THAP4: variants seen among roughly 807,000 people sequenced by gnomAD.
The protein encoded by THAP4 is THAP domain containing 4.
THAP4 carries 18 observed loss-of-function variants against 48.1 expected under a neutral mutation model. The observed-to-expected ratio is 0.37, with a 90% confidence interval of 0.26 to 0.56. The LOEUF is 0.56. THAP4 is among the 20% of genes least tolerant of loss of function. The pLI, the probability that THAP4 is intolerant of heterozygous loss-of-function variation, is 0.78. For synonymous variants in THAP4, 345 were observed against 324.9 expected (o/e 1.06, Z -0.66); for missense variants, 656 against 774.9 (o/e 0.85, Z 1.82).
chr2:241,617,567 A>G (rs2067363399), intron 2 of THAP4: 2 of 1,057,436 alleles, frequency 1.9e-6, no homozygotes, highest in Admixed American at 2.6e-5. Flanking sequence ...TAGTTCCACT[A>G]TGAAAGATCA....
At chr2:241,628,859 G>A (rs1000327678) in intron 2 of THAP4, among the ~76,000 whole-genome samples, 1 of 147,208 alleles carries the variant, frequency 6.8e-6, no homozygotes, top group Admixed American at 6.8e-5. Context: ...AGGATCGCTG[G>A]AGCCCAGGGG....
intron 5 of THAP4, among the ~76,000 whole-genome samples, chr2:241,595,450 C>T (rs2067036052): frequency 6.6e-6 from 1 of 152,032 alleles, no homozygotes; most frequent in Admixed American, 6.6e-5. Context: ...CCAGCCTGAC[C>T]ACCATGGAGA....
intron 2 of THAP4, among the ~76,000 whole-genome samples, chr2:241,609,947 C>A (rs2067243082): frequency 1.3e-5 from 2 of 152,210 alleles, no homozygotes; most frequent in African/African-American, 4.8e-5. Context: ...GGGAGCTGAA[C>A]CCTGTGGGAA....
chr2:241,635,330 A>G (rs147108370), intron 1 of THAP4, among the ~76,000 whole-genome samples: 2,845 of 152,330 alleles, frequency 0.019, 32 homozygotes, highest in Non-Finnish European at 0.029. Context: ...GTATTATACC[A>G]TAATTTAAAA....
At chr2:241,590,002 A>G (rs2066938387) in intron 5 of THAP4, among the ~76,000 whole-genome samples, 2 of 151,856 alleles carry the variant, frequency 1.3e-5, no homozygotes, top group African/African-American at 4.8e-5. Flanking sequence ...GATGATGGGC[A>G]CTAGGACACT....
intron 5 of THAP4, among the ~76,000 whole-genome samples, chr2:241,590,696 G>T (rs2066957686): frequency 6.6e-6 from 1 of 151,744 alleles, no homozygotes; most frequent in African/African-American, 2.4e-5. Context: ...GATGATGATG[G>T]GCACTAGGAC....
intron 2 of THAP4, among the ~76,000 whole-genome samples, chr2:241,627,151 G>T (rs1332059301): frequency 6.6e-6 from 1 of 152,176 alleles, no homozygotes; most frequent in Admixed American, 6.5e-5. Context: ...GTGGGTATGT[G>T]TGTCTCAAGT....
intron 2 of THAP4, among the ~76,000 whole-genome samples, chr2:241,624,186 A>G (rs1437598475): frequency 1.3e-5 from 2 of 152,232 alleles, no homozygotes; most frequent in African/African-American, 4.8e-5. Context: ...ATTACAAAGG[A>G]TATTTTAAAA....
chr2:241,622,804 T>G, intron 2 of THAP4, among the ~76,000 whole-genome samples: 1 of 152,156 alleles, frequency 6.6e-6, no homozygotes, highest in East Asian at 1.9e-4. Context: ...GGTCTCACTA[T>G]GTTGCCCAGG....
In THAP4 at chr2:241,593,532, G is replaced by A. The variant is rs771206432; in HGVS notation, c.1614+8364C>T. 7.2e-5 allele frequency among the ~76,000 whole-genome samples: 11 copies of A among 152,224 alleles called. No individual in the cohort carries two copies. In the East Asian group the frequency reaches 7.7e-4, roughly 11 times the overall value. ...CCGACACAGCCGACCCAGGAAGGCCGAGGCTGAATGCAGCACTGGGGACAG... is the reference window on the plus strand; with the variant it reads ...CCGACACAGCCGACCCAGGAAGGCCAAGGCTGAATGCAGCACTGGGGACAG... On this transcript the variant is annotated intron_variant, in intron 5 of 5. Transcript: ENST00000407315.
At chr2:241,636,254 A>T (rs1412649553) in intron 1 of THAP4, among the ~76,000 whole-genome samples, 1 of 152,258 alleles carries the variant, frequency 6.6e-6, no homozygotes. Flanking sequence ...ATGCAACATA[A>T]AACAGAAACA....
intron 5 of THAP4, among the ~76,000 whole-genome samples, chr2:241,599,930 C>T (rs74270766): frequency 0.15 from 23,426 of 152,126 alleles, 2,015 homozygotes; most frequent in South Asian, 0.37. Context: ...ACAAACGAGG[C>T]TGGGCACAGT....
At chr2:241,618,731 G>C (rs1423630805) in intron 2 of THAP4, among the ~76,000 whole-genome samples, 1 of 152,144 alleles carries the variant, frequency 6.6e-6, no homozygotes, top group Non-Finnish European at 1.5e-5. Flanking sequence ...AATGCTGGAG[G>C]CTGAACATGG....
chr2:241,591,523 A>T (rs2125068562), intron 5 of THAP4, among the ~76,000 whole-genome samples: 1 of 152,356 alleles, frequency 6.6e-6, no homozygotes, highest in African/African-American at 2.4e-5. Flanking sequence ...GTATTGGCAC[A>T]GGGACTGACA....
At chr2:241,609,608 GAAACGCTGTCTCTATT>G (rs1174878560) in intron 2 of THAP4, among the ~76,000 whole-genome samples, 1 of 152,160 alleles carries the variant, frequency 6.6e-6, no homozygotes, top group Non-Finnish European at 1.5e-5. Context: ...CCAACGTGGT[GAAACGCTGTCTCTATT>G]AAAAATACAA....
chr2:241,608,286 T>A (rs942394422), intron 2 of THAP4, among the ~76,000 whole-genome samples: 3 of 152,208 alleles, frequency 2.0e-5, no homozygotes, highest in Non-Finnish European at 4.4e-5. Context: ...CTCTGCCTGC[T>A]GGCTGCACAG....
chr2:241,591,115 GAC>G lies in THAP4; in HGVS notation c.1615-6392_1615-6391del, dbSNP rs1453100645. Among the ~76,000 whole-genome samples the G allele has an allele frequency of 2.5e-3, 252 of 101,154 alleles. 1 individual carries two copies. Among genetic ancestry groups the G allele is most frequent in the African/African-American group, 9.2e-3 (237 of 25,862 alleles). The allele number at this position is 101,154 out of a possible 152,430, so 66.4% of individuals were successfully genotyped here. The stretch of plus-strand genomic sequence containing the variant: ...CTAGGACAGACAGAACTGCCAGGCT[GAC>G]GATGATGGGCACTAGGACACTCAGA... On this transcript the variant is annotated intron_variant, in intron 5 of 5. Coordinates refer to ENST00000407315, the MANE Select transcript of THAP4 (RefSeq NM_015963.6).
chr2:241,588,099 ATT>A (rs749146937), intron 5 of THAP4, among the ~76,000 whole-genome samples: 2 of 152,188 alleles, frequency 1.3e-5, no homozygotes, highest in Non-Finnish European at 2.9e-5. Flanking sequence ...AAATGAATGA[ATT>A]TAACAAAGTC....
chr2:241,606,520 C>T, intron 2 of THAP4, 47 bp from the exon 3 acceptor site: 1 of 1,522,788 alleles, frequency 6.6e-7, no homozygotes, highest in Middle Eastern at 1.7e-4. Flanking sequence ...TCCAACCATG[C>T]CTTGCTGAGC....
Sources: allele counts gnomAD v4.1 joint callset (sites outside exome capture counted in the v4.1 genomes callset), GRCh38; gene constraint gnomAD v4.1.1; transcripts MANE v1.5; gene names NCBI Gene and HGNC (gene_info 2026-07-23, HGNC 2026-07-21).